Variants in SLC22A9 observed in about 807,000 individuals in gnomAD.
The protein encoded by SLC22A9 is solute carrier family 22 member 9, also known as organic anion transporter 7.
Under a neutral mutation model 50.1 loss-of-function variants are expected in SLC22A9, and 64 were observed. That is an observed-to-expected ratio of 1.28 (90% CI 1.04 to 1.57). The LOEUF (loss-of-function observed/expected upper bound fraction) is 1.57, where lower values mean the gene tolerates loss of function less well. Ranked by LOEUF, SLC22A9 falls within the 40% of genes most tolerant of loss-of-function variation. The probability of loss-of-function intolerance (pLI) is 0.00; values close to 1 mark genes in which losing one functional copy is unlikely to be tolerated. For synonymous variants in SLC22A9, 261 were observed against 242.5 expected, an observed-to-expected ratio of 1.08 and a Z score of -0.71; for missense variants, 757 against 676.1, an observed-to-expected ratio of 1.12 and a Z score of -1.33.
At position 63,382,216 on chromosome 11, in the gene SLC22A9, C is replaced by T; in HGVS notation, c.1012C>T (p.Leu338=). 6.2e-7 allele frequency: 1 copy of T among 1,609,356 alleles called. No homozygotes were observed. The highest frequency in any genetic ancestry group is 8.5e-7 in the Non-Finnish European group (1 of 1,178,608). Residue 338 remains leucine, a synonymous_variant, in exon 6 of 10, where the codon CTG becomes TTG. Coordinates refer to ENST00000279178, the MANE Select transcript of SLC22A9 (RefSeq NM_080866.3). The part of the protein sequence containing the change: ...LEAAQKKKPS[L]CEMLHMPNIC... ...GGCAGCACAAAAAAAAAAACCTTCT[C>T]TGTGTGAAATGCTCCACATGCCCAA...
At chr11:63,405,138 T>A (rs532540177) in intron 6 of SLC22A9, among the ~76,000 whole-genome samples, 4 of 151,874 alleles carry the variant, frequency 2.6e-5, no homozygotes, top group African/African-American at 9.7e-5. Context: ...ATAATAATAA[T>A]AATAATAAAA....
rs1041381799 is a variant in SLC22A9, at chr11:63,405,003, T to C, written c.1074-1494T>C. 9.7e-4 allele frequency among the ~76,000 whole-genome samples: 148 copies of C among 152,190 alleles called. 1 individual carries two copies. Among genetic ancestry groups the C allele is most frequent in the Non-Finnish European group, 4.0e-4 (27 of 68,006 alleles). ...TTGGGAGGGCAGTGTTCTGTCCCCA[T>C]GTCAGATGAGGCAGAAATGAAGCAA... is the stretch of plus-strand genomic sequence containing the variant. On this transcript the variant is annotated intron_variant, in intron 6 of 9. Coordinates refer to ENST00000279178, the MANE Select transcript of SLC22A9 (RefSeq NM_080866.3).
At chr11:63,402,302 G>A (rs2014964596) in intron 6 of SLC22A9, among the ~76,000 whole-genome samples, 1 of 152,050 alleles carries the variant, frequency 6.6e-6, no homozygotes, top group Admixed American at 6.6e-5. Flanking sequence ...GTCAAAGGAA[G>A]GGGTCTAGTT....
Position 63,406,479 on chromosome 11 carries a change from C to A in SLC22A9, c.1074-18C>A, listed in dbSNP as rs780150563. ...TCCACAGATTATAATATGTTTCTTT[C>A]CTTTTTAATCATCACAGATTTGCAA... is the stretch of plus-strand genomic sequence containing the variant. On this transcript the variant is annotated intron_variant, in intron 6 of 9. Coordinates refer to ENST00000279178, the MANE Select transcript of SLC22A9 (RefSeq NM_080866.3). 3 of 1,602,944 alleles carry A rather than the reference C, an allele frequency of 1.9e-6. No homozygotes were observed. Among genetic ancestry groups the A allele is most frequent in the Admixed American group, 3.3e-5 (2 of 59,838 alleles).
chr11:63,409,885 G>T lies in SLC22A9; in HGVS notation c.*23G>T, dbSNP rs367977607. 6.2e-7 allele frequency: 1 copy of T among 1,612,324 alleles called. No individual in the cohort carries two copies. The highest frequency in any genetic ancestry group is 8.5e-7 in the Non-Finnish European group (1 of 1,178,852). ...TAAGGAATTCCAGGAGCTGACTGCC[G>T]ATCAATGAGCCAGATGAAGGGAACA... On this transcript the variant is annotated 3_prime_UTR_variant, in exon 10 of 10. Coordinates refer to ENST00000279178, the MANE Select transcript of SLC22A9 (RefSeq NM_080866.3).
intron 5 of SLC22A9, among the ~76,000 whole-genome samples, chr11:63,377,238 G>A (rs537621074): frequency 2.0e-5 from 3 of 152,112 alleles, no homozygotes; most frequent in Admixed American, 2.0e-4. Flanking sequence ...AACAACAGCA[G>A]AATATACGTT....
chr11:63,394,120 C>T (rs377262250), intron 6 of SLC22A9, among the ~76,000 whole-genome samples: 15 of 151,966 alleles, frequency 9.9e-5, no homozygotes, highest in African/African-American at 3.1e-4. Flanking sequence ...ACGAAGTTCT[C>T]GTGTTGTGTT....
chr11:63,370,402 T>A lies in SLC22A9; in HGVS notation c.346T>A (p.Cys116Ser), dbSNP rs1337369961. ...CACAAGTGACGCAGACATGGAGCCCTGTGTGGATGGCTGGGTGTATGACAG... is the reference window on the plus strand; with the variant it reads ...CACAAGTGACGCAGACATGGAGCCCAGTGTGGATGGCTGGGTGTATGACAG... ...PNTSDADMEPCVDGWVYDRIS... is the reference protein window; with the variant it reads ...PNTSDADMEPSVDGWVYDRIS... The change falls in exon 1 of 10, where the codon TGT becomes AGT. Residue 116 changes from cysteine (C) to serine (S), a missense_variant. Transcript: ENST00000279178. 6.2e-7 allele frequency: 1 copy of A among 1,612,252 alleles called. No individual in the cohort carries two copies. The highest frequency in any genetic ancestry group is 8.5e-7 in the Non-Finnish European group (1 of 1,179,002).
intron 6 of SLC22A9, among the ~76,000 whole-genome samples, chr11:63,392,519 C>T (rs61928010): frequency 0.018 from 2,771 of 151,698 alleles, 41 homozygotes; most frequent in Middle Eastern, 0.048. Context: ...TTTTTTTCCC[C>T]CTTCAGCTCT....
At chr11:63,389,299 A>G (rs1049975312) in intron 6 of SLC22A9, among the ~76,000 whole-genome samples, 1 of 151,540 alleles carries the variant, frequency 6.6e-6, no homozygotes, top group Non-Finnish European at 1.5e-5. Context: ...CCCCACATGC[A>G]TTAGGTATTT....
In SLC22A9 at chr11:63,398,396, C is replaced by T. The variant is rs187383900; in HGVS notation, c.1074-8101C>T. On this transcript the variant is annotated intron_variant, in intron 6 of 9. Coordinates refer to ENST00000279178, the MANE Select transcript of SLC22A9 (RefSeq NM_080866.3). ...AGGCCCAGCACAGCACCAGGGTTTG[C>T]CTAGGAATAGCAGTCCTTGTAGCCA... Among the ~76,000 whole-genome samples, 10 of 152,248 alleles carry T rather than the reference C, an allele frequency of 6.6e-5. No homozygotes were observed. The East Asian group carries it at 1.9e-3, about 29-fold the overall frequency.
intron 5 of SLC22A9, among the ~76,000 whole-genome samples, chr11:63,380,259 C>T (rs1310833267): frequency 6.6e-6 from 1 of 152,158 alleles, no homozygotes; most frequent in African/African-American, 2.4e-5. Context: ...TTAGTTCAGA[C>T]ACTGTGGAAA....
chr11:63,372,563 C>T (rs510547), intron 2 of SLC22A9, among the ~76,000 whole-genome samples: 97,227 of 151,836 alleles, frequency 0.64, 31,353 homozygotes, highest in Non-Finnish European at 0.68. Flanking sequence ...AATCTAATTT[C>T]CTTTAGATTT....
chr11:63,409,677 G>A (rs1031685617), intron 9 of SLC22A9, 125 bp from the exon 10 acceptor site: 21 of 924,844 alleles, frequency 2.3e-5, no homozygotes, highest in Non-Finnish European at 3.3e-5. Flanking sequence ...TGGGGGCAGA[G>A]ATATGGTTTT....
At chr11:63,376,814 T>C (rs868548832) in intron 5 of SLC22A9, among the ~76,000 whole-genome samples, 32 of 149,814 alleles carry the variant, frequency 2.1e-4, no homozygotes, top group Middle Eastern at 3.5e-3. Context: ...GACACTCACA[T>C]GCAGTGACAC....
At chr11:63,395,310 A>T (rs1005566975) in intron 6 of SLC22A9, among the ~76,000 whole-genome samples, 15 of 151,902 alleles carry the variant, frequency 9.9e-5, no homozygotes, top group Non-Finnish European at 2.2e-4. Context: ...GTTGTTTAAG[A>T]GCCTTGTTTT....
Position 63,409,989 on chromosome 11 carries a change from C to T in SLC22A9, c.*127C>T. ...GGTGCGGTGGCTCACGCCTGTAATC[C>T]CAGCACCTTGGGAGGCTGAGGCGGG... is the stretch of plus-strand genomic sequence containing the variant. On this transcript the variant is annotated 3_prime_UTR_variant, in exon 10 of 10. Transcript: ENST00000279178. 3.0e-6 allele frequency: 3 copies of T among 1,011,354 alleles called. No homozygotes were observed. The highest frequency in any genetic ancestry group is 4.4e-6 in the Non-Finnish European group (3 of 683,452). 62.6% of individuals were successfully genotyped at this position (1,011,354 alleles called of 1,614,324 possible). A position where few individuals can be genotyped will look rare whatever the true frequency, so the allele number is the denominator to read the frequency against.
Position 63,409,852 on chromosome 11 carries a change from C to A in SLC22A9, c.1652C>A (p.Thr551Lys). ...CAAGAGGATCCGAGAGTGGAAGTGA[C>A]GCAGTTTTAAGGAATTCCAGGAGCT... ...PKQEDPRVEV[T>K]QF The change falls in exon 10 of 10, where the codon ACG becomes AAG. Residue 551 changes from threonine to lysine, a missense_variant. Coordinates refer to ENST00000279178, the MANE Select transcript of SLC22A9 (RefSeq NM_080866.3). 1 of 1,613,444 alleles carries A rather than the reference C, an allele frequency of 6.2e-7. No individual in the cohort carries two copies. Among genetic ancestry groups the A allele is most frequent in the Non-Finnish European group, 8.5e-7 (1 of 1,179,722 alleles).
intron 6 of SLC22A9, among the ~76,000 whole-genome samples, chr11:63,386,475 T>C (rs1431284294): frequency 7.9e-6 from 1 of 127,304 alleles, no homozygotes; most frequent in South Asian, 2.6e-4. Context: ...TTTTGGTAAG[T>C]AGGCTATTAA....
Sources: gnomAD v4.1 joint callset for allele counts (sites outside exome capture counted in the v4.1 genomes callset) on GRCh38, gnomAD v4.1.1 for gene constraint, MANE v1.5 for transcripts, NCBI Gene and HGNC (gene_info 2026-07-23, HGNC 2026-07-21) for gene names.